The following ZNF638 variants were observed in gnomAD, a reference collection of about 807,000 sequenced individuals.
ZNF638 encodes the protein zinc finger protein 638, also known as CTCL tumor antigen se33-1.
A neutral mutation model predicts 195.6 loss-of-function variants in ZNF638; 46 were observed. The observed-to-expected ratio is 0.24, with a 90% CI of 0.19 to 0.30. The LOEUF (loss-of-function observed/expected upper bound fraction) is 0.30. Among genes scored for constraint, ZNF638 ranks in the 10% least tolerant of loss-of-function variants. The pLI is 1.00. For synonymous variants in ZNF638, 845 were observed against 772.0 expected (o/e 1.09, Z -1.57); for missense variants, 2,440 against 2,325.3 (o/e 1.05, Z -1.01).
rs1372622899 is a variant in ZNF638 at position 71,348,969 on chromosome 2, G to A, written c.15G>A (p.Arg5=). MSRP[R]FNPRGDFPLQ... is the part of the protein sequence containing the mutation. ...TGAAAATAGCCATGTCGAGACCCAGGTTTAATCCTCGAGGAGACTTTCCAC... is the reference window on the plus strand; with the variant it reads ...TGAAAATAGCCATGTCGAGACCCAGATTTAATCCTCGAGGAGACTTTCCAC... Residue 5 remains arginine (R), a synonymous_variant, in exon 2 of 28, where the codon AGG becomes AGA. Coordinates refer to ENST00000264447, the MANE Select transcript of ZNF638 (RefSeq NM_014497.5). 6.2e-7 allele frequency: 1 copy of A among 1,613,962 alleles called. No homozygotes were observed. The highest frequency in any genetic ancestry group is 1.3e-5 in the African/African-American group (1 of 74,890).
At chr2:71,352,921 C>T (rs2078966277) in intron 2 of ZNF638, among the ~76,000 whole-genome samples, 1 of 152,044 alleles carries the variant, frequency 6.6e-6, no homozygotes, top group African/African-American at 2.4e-5. Context: ...GATAGATTGC[C>T]ATTAAAAAAC....
intron 3 of ZNF638, among the ~76,000 whole-genome samples, chr2:71,356,793 AATTTT>A (rs961772934): frequency 6.6e-6 from 1 of 151,408 alleles, no homozygotes; most frequent in African/African-American, 2.4e-5. Context: ...AAAAAAAAAA[AATTTT>A]TTTTTTTTAA....
At chr2:71,378,572 TA>T (rs1262421486) in intron 8 of ZNF638, among the ~76,000 whole-genome samples, 2 of 152,224 alleles carry the variant, frequency 1.3e-5, no homozygotes, top group African/African-American at 4.8e-5. Context: ...CACAGAGTTT[TA>T]ACTTCAAGGG....
At chr2:71,390,263 A>G (rs368734258) in intron 10 of ZNF638, among the ~76,000 whole-genome samples, 6 of 152,172 alleles carry the variant, frequency 3.9e-5, no homozygotes, top group Admixed American at 1.3e-4. Context: ...TCCTCGGTCA[A>G]TTGGAAAGCC....
chr2:71,390,303 C>T (rs1210206055), intron 10 of ZNF638, among the ~76,000 whole-genome samples: 1 of 152,188 alleles, frequency 6.6e-6, no homozygotes, highest in Non-Finnish European at 1.5e-5. Flanking sequence ...ACAGCCACCT[C>T]TGGGAGCGCA....
At chr2:71,389,196 C>T (rs2079716473) in intron 10 of ZNF638, among the ~76,000 whole-genome samples, 1 of 152,224 alleles carries the variant, frequency 6.6e-6, no homozygotes, top group African/African-American at 2.4e-5. Context: ...TGAGCCCCCT[C>T]CCCCAATAAA....
intron 10 of ZNF638, chr2:71,393,712 C>T (rs2079836048): frequency 1.5e-6 from 1 of 674,536 alleles, no homozygotes; most frequent in Non-Finnish European, 2.8e-6. Context: ...ACCGGCTACA[C>T]TCTATTGGGC....
rs1573125172 is a variant in ZNF638, at chr2:71,402,194, G to A, written c.2829+107G>A. ...AAAGGTTTAAAAGCAGTATCTCAAA[G>A]TAAACTTTCAAGCTAAGGGATTTTA... On this transcript the variant is annotated intron_variant, in intron 16 of 27. Coordinates refer to ENST00000264447, the MANE Select transcript of ZNF638 (RefSeq NM_014497.5). 5.0e-6 allele frequency: 6 copies of A among 1,204,136 alleles called. 1 individual carries two copies. The East Asian group carries it at 1.6e-4, about 32-fold the overall frequency. The allele number at this position is 1,204,136 out of a possible 1,614,324, so 74.6% of individuals were successfully genotyped here. A position where few individuals can be genotyped will look rare whatever the true frequency, so the allele number is the denominator to read the frequency against.
chr2:71,380,595 A>G (rs1444483872), intron 10 of ZNF638, 30 bp downstream of exon 10: 1 of 1,559,438 alleles, frequency 6.4e-7, no homozygotes, highest in East Asian at 2.3e-5. Flanking sequence ...ATTCTTTCAA[A>G]TGAGTGTATC....
chr2:71,335,362 T>C (rs1393929566), intron 1 of ZNF638, among the ~76,000 whole-genome samples: 1 of 152,220 alleles, frequency 6.6e-6, no homozygotes, highest in Non-Finnish European at 1.5e-5. Flanking sequence ...ATGGTTACCC[T>C]AAGGAACATA....
chr2:71,381,301 G>C (rs973884650), intron 10 of ZNF638, among the ~76,000 whole-genome samples: 5 of 152,098 alleles, frequency 3.3e-5, no homozygotes, highest in African/African-American at 1.2e-4. Context: ...TTTCTAACTG[G>C]AATGAGGTAA....
At chr2:71,352,731 T>A (rs2078963710) in intron 2 of ZNF638, among the ~76,000 whole-genome samples, 1 of 152,064 alleles carries the variant, frequency 6.6e-6, no homozygotes, top group Non-Finnish European at 1.5e-5. Flanking sequence ...GGAAGTATAT[T>A]TTAGGGAGAT....
intron 7 of ZNF638, among the ~76,000 whole-genome samples, chr2:71,369,009 G>T (rs1466477785): frequency 6.6e-6 from 1 of 152,124 alleles, no homozygotes; most frequent in African/African-American, 2.4e-5. Context: ...GTTAAGAACT[G>T]TGAACAGTTC....
intron 23 of ZNF638, among the ~76,000 whole-genome samples, chr2:71,425,299 A>C (rs2080516303): frequency 6.6e-6 from 1 of 152,184 alleles, no homozygotes; most frequent in East Asian, 1.9e-4. Context: ...GAGAAATGTT[A>C]CTAGTTTTAA....
At chr2:71,430,539 C>G (rs1016752343) in intron 25 of ZNF638, among the ~76,000 whole-genome samples, 1 of 152,300 alleles carries the variant, frequency 6.6e-6, no homozygotes, top group African/African-American at 2.4e-5. Context: ...TGGTTCTAGC[C>G]TGTGTCACTC....
intron 8 of ZNF638, chr2:71,376,181 A>G (rs1457536159): frequency 6.6e-6 from 1 of 152,232 alleles, no homozygotes; most frequent in East Asian, 1.9e-4. Flanking sequence ...GGTAAAGAAA[A>G]TACGAGCACT....
At chr2:71,395,735 C>T in intron 10 of ZNF638, 1 of 391,880 alleles carries the variant, frequency 2.6e-6, no homozygotes, top group Non-Finnish European at 4.8e-6. Flanking sequence ...GAACAGTCCC[C>T]TAGCCGCACT....
At chr2:71,345,294 T>C (rs2078831549) in intron 1 of ZNF638, among the ~76,000 whole-genome samples, 1 of 152,236 alleles carries the variant, frequency 6.6e-6, no homozygotes, top group South Asian at 2.1e-4. Context: ...GTGACCATTA[T>C]ACTCCTTAAA....
chr2:71,401,786 T>A (rs1260999517), intron 15 of ZNF638, among the ~76,000 whole-genome samples, 170 bp from the exon 16 acceptor site: 1 of 152,124 alleles, frequency 6.6e-6, no homozygotes, highest in African/African-American at 2.4e-5. Flanking sequence ...ATTTGCAAGC[T>A]TTTTTGCTTT....
Sources: gnomAD v4.1 joint callset for allele counts (sites outside exome capture counted in the v4.1 genomes callset) on GRCh38, gnomAD v4.1.1 for gene constraint, MANE v1.5 for transcripts, NCBI Gene and HGNC (gene_info 2026-07-23, HGNC 2026-07-21) for gene names.